Variants in ZBTB7C observed in about 807,000 individuals in gnomAD.
ZBTB7C encodes zinc finger and BTB domain-containing protein 7C.
ZBTB7C carries 8 observed loss-of-function variants against 25.7 expected under a neutral mutation model. The observed-to-expected ratio is 0.31, with a 90% CI of 0.18 to 0.56. ZBTB7C has a LOEUF of 0.56. ZBTB7C is among the 20% of genes least tolerant of loss of function. ZBTB7C has a pLI of 0.91. For synonymous variants in ZBTB7C, 394 were observed against 369.0 expected (o/e 1.07, Z -0.78); for missense variants, 824 against 855.2 (o/e 0.96, Z 0.46).
At chr18:48,148,159 A>AT (rs74172095) in intron 3 of ZBTB7C, 6,732 of 122,520 alleles carry the variant, frequency 0.055, 185 homozygotes, top group Non-Finnish European at 0.062. Flanking sequence ...ACCACGGCTA[A>AT]TTTTTTTTTT....
At chr18:48,233,666 G>C (rs921702850) in intron 2 of ZBTB7C, among the ~76,000 whole-genome samples, 3 of 152,310 alleles carry the variant, frequency 2.0e-5, no homozygotes, top group Middle Eastern at 3.4e-3. Context: ...CAAATCGACA[G>C]CACTTTTGAA....
intron 3 of ZBTB7C, among the ~76,000 whole-genome samples, chr18:48,159,765 C>T (rs1335639000): frequency 6.6e-6 from 1 of 152,240 alleles, no homozygotes; most frequent in Admixed American, 6.5e-5. Flanking sequence ...TACCAAAGTG[C>T]TGCCCCCATC....
intron 3 of ZBTB7C, among the ~76,000 whole-genome samples, chr18:48,114,777 T>G (rs2039370296): frequency 6.6e-6 from 1 of 152,200 alleles, no homozygotes; most frequent in South Asian, 2.1e-4. Flanking sequence ...TGCTTCAAGG[T>G]GGATGAATCG....
At chr18:48,190,547 G>A (rs2042168496) in intron 2 of ZBTB7C, among the ~76,000 whole-genome samples, 1 of 152,158 alleles carries the variant, frequency 6.6e-6, no homozygotes, top group Non-Finnish European at 1.5e-5. Flanking sequence ...CATGAACTCA[G>A]GGGCCCTTTG....
intron 1 of ZBTB7C, among the ~76,000 whole-genome samples, chr18:48,374,591 C>G (rs995258005): frequency 6.6e-6 from 1 of 152,226 alleles, no homozygotes; most frequent in Non-Finnish European, 1.5e-5. Flanking sequence ...TCCCCAGAAG[C>G]CTCCACTCAG....
intron 3 of ZBTB7C, among the ~76,000 whole-genome samples, chr18:48,079,966 C>CT (rs1456590007): frequency 2.0e-5 from 3 of 152,256 alleles, no homozygotes; most frequent in African/African-American, 7.2e-5. Context: ...TTCCACTCCT[C>CT]TGACAGCAGC....
At position 48,033,906 on chromosome 18, in the gene ZBTB7C, T is replaced by C. The variant is rs527998476; in HGVS notation, c.1209-3995A>G. 2.6e-5 allele frequency among the ~76,000 whole-genome samples: 4 copies of C among 152,250 alleles called. No homozygotes were observed. The East Asian group carries it at 7.7e-4, about 29-fold the overall frequency. On this transcript the variant is annotated intron_variant, in intron 4 of 4. Coordinates refer to ENST00000590800, the MANE Select transcript of ZBTB7C (RefSeq NM_001318841.2). ...TTCCCTGGTCTGGGCCTTAGTTTCC[T>C]GATCTCTAAAATGCGGGTTGGGCTG...
At chr18:48,384,849 T>C (rs1220004544) in intron 1 of ZBTB7C, among the ~76,000 whole-genome samples, 3 of 152,010 alleles carry the variant, frequency 2.0e-5, no homozygotes, top group African/African-American at 7.3e-5. Flanking sequence ...GCCCGGCTAA[T>C]TTTTGTATTT....
At chr18:48,334,742 A>C (rs1235547448) in intron 2 of ZBTB7C, among the ~76,000 whole-genome samples, 3 of 152,180 alleles carry the variant, frequency 2.0e-5, no homozygotes, top group African/African-American at 7.2e-5. Context: ...AAGTTATTTG[A>C]ATTTTTCTTT....
In ZBTB7C at chr18:48,149,790, TTTC is replaced by T. The variant is rs1455732417; in HGVS notation, c.-17+36141_-17+36143del. The stretch of plus-strand genomic sequence containing the variant: ...CTAAGAACTTTGCATGCATCATTTC[TTTC>T]TTCTTCTTCTTCTTTTTTTTTTTTT... On this transcript the variant is annotated intron_variant, in intron 3 of 4. Transcript: ENST00000590800. 1.7e-3 allele frequency: 248 copies of T among 144,228 alleles called. 36 individuals are homozygous for T. The highest frequency in any genetic ancestry group is 7.3e-3 in the Middle Eastern group (2 of 274). 8.9% of individuals were successfully genotyped at this position (144,228 alleles called of 1,614,324 possible).
chr18:48,400,845 C>T (rs574097579), intron 1 of ZBTB7C, among the ~76,000 whole-genome samples: 61 of 152,312 alleles, frequency 4.0e-4, no homozygotes, highest in Non-Finnish European at 6.5e-4. Context: ...TATTAGGCTG[C>T]ACTGCTCCAG....
At chr18:48,309,107 A>G (rs2045750420) in intron 2 of ZBTB7C, among the ~76,000 whole-genome samples, 1 of 152,236 alleles carries the variant, frequency 6.6e-6, no homozygotes, top group African/African-American at 2.4e-5. Context: ...GATGAGGGAA[A>G]GAAAAAGAGG....
intron 2 of ZBTB7C, among the ~76,000 whole-genome samples, chr18:48,247,462 T>C (rs944412433): frequency 2.0e-5 from 3 of 152,210 alleles, no homozygotes; most frequent in African/African-American, 7.2e-5. Flanking sequence ...CCAGTGATCC[T>C]GTTAAACTGT....
At chr18:48,146,555 C>T (rs1463782393) in intron 3 of ZBTB7C, among the ~76,000 whole-genome samples, 1 of 152,104 alleles carries the variant, frequency 6.6e-6, no homozygotes, top group African/African-American at 2.4e-5. Context: ...ATTTGCTAGC[C>T]TGCTAGATAA....
At chr18:48,193,960 T>A (rs1419904011) in intron 2 of ZBTB7C, among the ~76,000 whole-genome samples, 1 of 152,228 alleles carries the variant, frequency 6.6e-6, no homozygotes, top group African/African-American at 2.4e-5. Context: ...TGTGTCTGTG[T>A]GTGGCTGAGA....
At chr18:48,190,614 T>C (rs1226821051) in intron 2 of ZBTB7C, among the ~76,000 whole-genome samples, 1 of 152,170 alleles carries the variant, frequency 6.6e-6, no homozygotes, top group Non-Finnish European at 1.5e-5. Flanking sequence ...CATGACATCC[T>C]TCAGAAGGGA....
intron 2 of ZBTB7C, among the ~76,000 whole-genome samples, chr18:48,186,369 T>C (rs1054395332): frequency 2.0e-5 from 3 of 152,274 alleles, no homozygotes; most frequent in East Asian, 3.8e-4. Flanking sequence ...AAGGCCTTCC[T>C]AAATTGGACC....
At chr18:48,180,607 G>T (rs1320057324) in intron 3 of ZBTB7C, 3 of 307,560 alleles carry the variant, frequency 9.8e-6, no homozygotes, top group Non-Finnish European at 1.9e-5. Context: ...TGGGGGGGTG[G>T]GCCAGACAAG....
chr18:48,315,807 G>C (rs17751151), intron 2 of ZBTB7C, among the ~76,000 whole-genome samples: 20,009 of 152,134 alleles, frequency 0.13, 1,564 homozygotes, highest in Non-Finnish European at 0.19. Flanking sequence ...GATACTTAGG[G>C]GTCTCAATTA....
Sources: allele counts gnomAD v4.1 joint callset (sites outside exome capture counted in the v4.1 genomes callset), GRCh38; gene constraint gnomAD v4.1.1; transcripts MANE v1.5; gene names NCBI Gene and HGNC (gene_info 2026-07-23, HGNC 2026-07-21).